Variants in NAT2 observed in about 807,000 individuals in gnomAD.
NAT2 encodes the protein arylamine N-acetyltransferase 2.
For synonymous variants in NAT2, 137 were observed against 125.9 expected, an observed-to-expected ratio of 1.09 and a Z score of -0.59; for missense variants, 428 against 339.1, an observed-to-expected ratio of 1.26 and a Z score of -2.06.
chr8:18,401,041 T>G lies in NAT2; in HGVS notation c.*165T>G, dbSNP rs1800784568. Reference sequence around the variant, plus strand: ...TCAGCATTTATTAAAAAACAATAACTTTTTAAAGAAACATAAGGACACATT... The same window carrying G: ...TCAGCATTTATTAAAAAACAATAACGTTTTAAAGAAACATAAGGACACATT... On this transcript the variant is annotated 3_prime_UTR_variant, in exon 2 of 2. Transcript: ENST00000286479. The G allele has an allele frequency of 2.0e-6, 1 of 499,034 alleles. No homozygotes were observed. The highest frequency in any genetic ancestry group is 6.9e-5 in the South Asian group (1 of 14,532). The allele number at this position is 499,034 out of a possible 1,614,324, so 30.9% of individuals were successfully genotyped here. A position where few individuals can be genotyped will look rare whatever the true frequency, so the allele number is the denominator to read the frequency against.
At chr8:18,398,964 T>A (rs1160274297) in intron 1 of NAT2, among the ~76,000 whole-genome samples, 1 of 152,234 alleles carries the variant, frequency 6.6e-6, no homozygotes, top group African/African-American at 2.4e-5. Flanking sequence ...AGGCGAACAC[T>A]GTTCCGCTTA....
Position 18,400,868 on chromosome 8 carries a change from A to G in NAT2, c.865A>G (p.Thr289Ala). 3 of 1,583,494 alleles carry G rather than the reference A, an allele frequency of 1.9e-6. No homozygotes were observed. Among genetic ancestry groups the G allele is most frequent in the South Asian group, 1.2e-5 (1 of 84,742 alleles). ...GCCCAAACCTGGTGATGGATCCCTT[A>G]CTATTTAGAATAAGGAACAAAATAA... Reference protein sequence around the residue: ...LVPKPGDGSLTI With the variant: ...LVPKPGDGSLAI The change falls in exon 2 of 2, where the codon ACT becomes GCT. Residue 289 changes from threonine to alanine, a missense_variant. Transcript: ENST00000286479.
At chr8:18,395,158 G>T (rs1027734790) in intron 1 of NAT2, among the ~76,000 whole-genome samples, 3 of 152,076 alleles carry the variant, frequency 2.0e-5, no homozygotes, top group African/African-American at 7.2e-5. Context: ...CTCCATGAGA[G>T]TCCTGGGAGT....
chr8:18,395,384 T>A (rs897952613), intron 1 of NAT2, among the ~76,000 whole-genome samples: 19 of 152,104 alleles, frequency 1.2e-4, no homozygotes, highest in African/African-American at 4.1e-4. Flanking sequence ...TTTAACATAA[T>A]AATTATAAAT....
intron 1 of NAT2, among the ~76,000 whole-genome samples, chr8:18,394,950 C>T (rs1212084431): frequency 6.6e-6 from 1 of 152,008 alleles, no homozygotes; most frequent in African/African-American, 2.4e-5. Context: ...AAATTTTGCT[C>T]ACAAGAGTAT....
chr8:18,387,293 C>T (rs1179287405), upstream of NAT2: 1 of 152,908 alleles, frequency 6.5e-6, no homozygotes, highest in Non-Finnish European at 1.5e-5. Flanking sequence ...TCTCCCTGCG[C>T]CTCAAGCCCC....
At chr8:18,396,235 A>G (rs1347443353) in intron 1 of NAT2, among the ~76,000 whole-genome samples, 1 of 152,052 alleles carries the variant, frequency 6.6e-6, no homozygotes, top group Non-Finnish European at 1.5e-5. Context: ...ATAAGGGCCT[A>G]GATTCTGGCC....
upstream of NAT2, among the ~76,000 whole-genome samples, chr8:18,388,646 G>A (rs1174740315): frequency 2.0e-5 from 3 of 151,910 alleles, no homozygotes; most frequent in African/African-American, 7.3e-5. Context: ...TCAAACTTTA[G>A]AATCTTGACA....
chr8:18,397,310 CA>C (rs1329969265), intron 1 of NAT2, among the ~76,000 whole-genome samples: 1 of 151,244 alleles, frequency 6.6e-6, no homozygotes, highest in Admixed American at 6.6e-5. Flanking sequence ...ATTTATGAAA[CA>C]AAGTAAAAAG....
rs778993761 is a variant in NAT2 at position 18,400,541 on chromosome 8, C to T, written c.538C>T (p.Leu180Phe). The T allele has an allele frequency of 6.2e-7, 1 of 1,612,544 alleles. No homozygotes were observed. The highest frequency in any genetic ancestry group is 8.5e-7 in the Non-Finnish European group (1 of 1,179,596). Residue 180 changes from leucine (L) to phenylalanine (F), a missense_variant, in exon 2 of 2, where the codon CTC (leucine) becomes TTC (phenylalanine). Coordinates refer to ENST00000286479, the MANE Select transcript of NAT2 (RefSeq NM_000015.3). ...AAACAAAGAATTTCTTAATTCTCAT[C>T]TCCTGCCAAAGAAGAAACACCAAAA... is the stretch of plus-strand genomic sequence containing the variant. ...ITNKEFLNSH[L>F]LPKKKHQKIY...
At chr8:18,386,651 G>A (rs757095055), upstream of NAT2, among the ~76,000 whole-genome samples, 2 of 152,208 alleles carry the variant, frequency 1.3e-5, no homozygotes, top group Non-Finnish European at 2.9e-5. Flanking sequence ...TTCTCTTCCT[G>A]TCCTATGGCC....
intron 1 of NAT2, among the ~76,000 whole-genome samples, chr8:18,393,274 G>C (rs1242777319): frequency 1.3e-5 from 2 of 151,850 alleles, no homozygotes; most frequent in African/African-American, 4.8e-5. Flanking sequence ...AAACACATTT[G>C]GGATAAATAT....
intron 1 of NAT2, among the ~76,000 whole-genome samples, chr8:18,398,915 C>T (rs1289270752): frequency 6.6e-6 from 1 of 152,148 alleles, no homozygotes; most frequent in Non-Finnish European, 1.5e-5. Context: ...ATATGGGCAG[C>T]CTATTGTCCA....
At chr8:18,396,189 C>T (rs1043172401) in intron 1 of NAT2, among the ~76,000 whole-genome samples, 9 of 151,942 alleles carry the variant, frequency 5.9e-5, no homozygotes, top group Non-Finnish European at 1.2e-4. Flanking sequence ...CATAAAAGAG[C>T]AGATTAGTAT....
At chr8:18,394,144 G>A (rs1800642554) in intron 1 of NAT2, among the ~76,000 whole-genome samples, 1 of 152,084 alleles carries the variant, frequency 6.6e-6, no homozygotes, top group Admixed American at 6.5e-5. Flanking sequence ...CAGAGTGGGG[G>A]TCACAAGGTG....
At chr8:18,389,128 ATAAT>A (rs1287878087), upstream of NAT2, among the ~76,000 whole-genome samples, 2 of 152,184 alleles carry the variant, frequency 1.3e-5, no homozygotes, top group Admixed American at 6.5e-5. Context: ...CAAACTGACA[ATAAT>A]TAGAGGCAAT....
intron 1 of NAT2, among the ~76,000 whole-genome samples, chr8:18,398,096 T>C (rs960849437): frequency 3.3e-5 from 5 of 152,206 alleles, no homozygotes; most frequent in African/African-American, 1.2e-4. Context: ...GGAGTGTGTA[T>C]GCTGGAGTCT....
intron 1 of NAT2, among the ~76,000 whole-genome samples, chr8:18,398,588 G>A (rs1299232696): frequency 2.0e-5 from 3 of 152,126 alleles, no homozygotes; most frequent in South Asian, 4.1e-4. Context: ...GAGCTACAAC[G>A]TGTATTTAAA....
intron 1 of NAT2, 79 bp from the exon 2 acceptor site, chr8:18,399,919 G>A (rs1030742877): frequency 1.9e-5 from 27 of 1,424,920 alleles, no homozygotes; most frequent in South Asian, 1.3e-4. Flanking sequence ...TTTAAAATAC[G>A]TTATACCTAT....
Sources: allele counts gnomAD v4.1 joint callset (sites outside exome capture counted in the v4.1 genomes callset), GRCh38; gene constraint gnomAD v4.1.1; transcripts MANE v1.5; gene names NCBI Gene and HGNC (gene_info 2026-07-23, HGNC 2026-07-21).